Variants in SPIRE2 observed in about 807,000 individuals in gnomAD.
SPIRE2 encodes the protein spire type actin nucleation factor 2, also known as protein spire homolog 2.
Under a neutral mutation model 80.7 loss-of-function variants are expected in SPIRE2, and 76 were observed. The ratio of observed to expected loss-of-function variants is 0.94; its 90% CI spans 0.78 to 1.14. SPIRE2 has a LOEUF of 1.14. Ranked by LOEUF, SPIRE2 falls within the 50% of genes most tolerant of loss-of-function variation. The pLI, the probability that SPIRE2 is intolerant of heterozygous loss-of-function variation, is 0.00. For synonymous variants in SPIRE2, 535 were observed against 432.6 expected (o/e 1.24, Z -2.94); for missense variants, 1,196 against 1,015.3 (o/e 1.18, Z -2.42).
chr16:89,835,794 GTCC>G (rs938060697), intron 1 of SPIRE2, among the ~76,000 whole-genome samples: 2 of 152,166 alleles, frequency 1.3e-5, no homozygotes, highest in African/African-American at 2.4e-5. Context: ...TGGCTTCTCT[GTCC>G]TCCTCATTCC....
At chr16:89,861,687 G>A (rs2041745787) in intron 10 of SPIRE2, among the ~76,000 whole-genome samples, 1 of 152,244 alleles carries the variant, frequency 6.6e-6, no homozygotes, top group South Asian at 2.1e-4. Flanking sequence ...TGAGGCTGCA[G>A]TTAGGATGGC....
Position 89,863,855 on chromosome 16 carries a change from G to C in SPIRE2, c.1772G>C (p.Cys591Ser), listed in dbSNP as rs772259964. ...LFSWPPSCLF[C>S]KRAVCTSCSI... Reference sequence around the variant, plus strand: ...TCGTGGCCGCCCAGCTGTCTCTTCTGCAAGAGGTGAGCCTTCCCTTTAGCT... The same window carrying C: ...TCGTGGCCGCCCAGCTGTCTCTTCTCCAAGAGGTGAGCCTTCCCTTTAGCT... Residue 591 changes from cysteine to serine, a missense_variant, in exon 12 of 15, where the codon TGC (cysteine) becomes TCC (serine). Physicochemically the swap from Cys to Ser is moderately radical, Grantham distance 112 (BLOSUM62 -1). Coordinates refer to ENST00000378247, the MANE Select transcript of SPIRE2 (RefSeq NM_032451.2). This position sits in a 1 kb window ranked among gnomAD's most constrained non-coding sequence, Gnocchi z 4.3. The C allele has an allele frequency of 2.5e-6, 4 of 1,613,414 alleles. No individual in the cohort carries two copies. Among genetic ancestry groups the C allele is most frequent in the South Asian group, 1.1e-5 (1 of 91,038 alleles).
intron 12 of SPIRE2, among the ~76,000 whole-genome samples, chr16:89,864,295 A>C (rs1597224383): frequency 6.6e-6 from 1 of 152,192 alleles, no homozygotes; most frequent in Non-Finnish European, 1.5e-5. Context: ...CAGCAGCTCG[A>C]GTCCGCCGTG....
intron 4 of SPIRE2, 58 bp from the exon 5 acceptor site, chr16:89,854,429 T>TG (rs1196980601): frequency 6.2e-5 from 100 of 1,610,332 alleles, no homozygotes; most frequent in Admixed American, 8.3e-5. Flanking sequence ...GGTCTCTGCC[T>TG]GGGGGGCCGT....
At chr16:89,856,917 T>C (rs1052137792) in intron 7 of SPIRE2, among the ~76,000 whole-genome samples, 7 of 151,444 alleles carry the variant, frequency 4.6e-5, no homozygotes, top group Non-Finnish European at 1.0e-4. Flanking sequence ...CAAAGAAAAA[T>C]TAGCCAGGTG....
chr16:89,870,737 G>T lies in SPIRE2; in HGVS notation c.*465G>T. The T allele has an allele frequency of 6.1e-6, 1 of 164,422 alleles. No individual in the cohort carries two copies. Among genetic ancestry groups the T allele is most frequent in the Non-Finnish European group, 1.4e-5 (1 of 73,744 alleles). 10.2% of individuals were successfully genotyped at this position (164,422 alleles called of 1,614,324 possible). A position where few individuals can be genotyped will look rare whatever the true frequency, so the allele number is the denominator to read the frequency against. ...CCTTTGTGGGGACTCAGGCAGCAGA[G>T]GCATCTGGGAAGTCTCTGAGTAGGC... On this transcript the variant is annotated 3_prime_UTR_variant, in exon 15 of 15. Transcript: ENST00000378247.
chr16:89,866,854 C>T (rs2041793944), intron 12 of SPIRE2, among the ~76,000 whole-genome samples: 1 of 151,748 alleles, frequency 6.6e-6, no homozygotes, highest in African/African-American at 2.4e-5. Flanking sequence ...CGTGATCTGC[C>T]CATCTCGGTC....
intron 1 of SPIRE2, among the ~76,000 whole-genome samples, chr16:89,830,150 G>T (rs966012666): frequency 6.6e-6 from 1 of 151,208 alleles, no homozygotes; most frequent in Non-Finnish European, 1.5e-5. Flanking sequence ...GAGCCCAGCC[G>T]CCTGCTTCCT....
intron 2 of SPIRE2, among the ~76,000 whole-genome samples, chr16:89,847,811 G>A (rs376860947): frequency 2.6e-5 from 4 of 152,206 alleles, no homozygotes; most frequent in African/African-American, 9.6e-5. Context: ...TTCAGAGAAA[G>A]TTGCCAGTGA....
rs1387060882 is a variant in SPIRE2, at chr16:89,863,986, C to T, written c.1778+125C>T. ...CTAGCATGTTCGATGGCTGATGAGT[C>T]CACAAGATATGGTTAGTACGAATGA... On this transcript the variant is annotated intron_variant, in intron 12 of 14. Coordinates refer to ENST00000378247, the MANE Select transcript of SPIRE2 (RefSeq NM_032451.2). The surrounding 1 kb of genome is among the most constrained non-coding windows in gnomAD (Gnocchi z 4.3). 2 of 672,244 alleles carry T rather than the reference C, an allele frequency of 3.0e-6. No individual in the cohort carries two copies. The highest frequency in any genetic ancestry group is 5.2e-5 in the East Asian group (2 of 38,574). 41.6% of individuals were successfully genotyped at this position (672,244 alleles called of 1,614,324 possible). A position where few individuals can be genotyped will look rare whatever the true frequency, so the allele number is the denominator to read the frequency against.
chr16:89,850,081 C>T, intron 2 of SPIRE2: 1 of 670,998 alleles, frequency 1.5e-6, no homozygotes, highest in Non-Finnish European at 2.7e-6. Context: ...CGTGATCCGC[C>T]CGCCTCGGCC....
chr16:89,853,141 G>C (rs1158983157), intron 3 of SPIRE2, among the ~76,000 whole-genome samples: 1 of 152,144 alleles, frequency 6.6e-6, no homozygotes, highest in Non-Finnish European at 1.5e-5. Flanking sequence ...GCTGTTTTCT[G>C]CTGCTCAGAT....
chr16:89,858,976 G>A (rs937780980), intron 8 of SPIRE2, among the ~76,000 whole-genome samples, 189 bp from the exon 9 acceptor site: 52 of 152,180 alleles, frequency 3.4e-4, no homozygotes, highest in Non-Finnish European at 1.5e-4. Flanking sequence ...GGAAGGCCTG[G>A]GGAAGGGCTT....
Position 89,828,711 on chromosome 16 carries a change from C to G in SPIRE2, c.161C>G (p.Ser54Trp). 2 of 1,268,698 alleles carry G rather than the reference C, an allele frequency of 1.6e-6. No individual in the cohort carries two copies. Among genetic ancestry groups the G allele is most frequent in the Middle Eastern group, 3.1e-4 (1 of 3,240 alleles). The allele number at this position is 1,268,698 out of a possible 1,614,324, so 78.6% of individuals were successfully genotyped here. A position where few individuals can be genotyped will look rare whatever the true frequency, so the allele number is the denominator to read the frequency against. ...CAGGGCTGCCGCGGGCTGCGGGGCTCGCCGGGCCGGCGCCTGCGGGATACC... is the reference window on the plus strand; with the variant it reads ...CAGGGCTGCCGCGGGCTGCGGGGCTGGCCGGGCCGGCGCCTGCGGGATACC... ...CFQGCRGLRGSPGRRLRDTGD... is the reference protein window; with the variant it reads ...CFQGCRGLRGWPGRRLRDTGD... The change falls in exon 1 of 15, where the codon TCG becomes TGG. Residue 54 changes from serine to tryptophan, a missense_variant. By Grantham distance (177) the Ser-to-Trp change is radical. Coordinates refer to ENST00000378247, the MANE Select transcript of SPIRE2 (RefSeq NM_032451.2). The surrounding 1 kb of genome is among the most constrained non-coding windows in gnomAD (Gnocchi z 5.9).
intron 1 of SPIRE2, among the ~76,000 whole-genome samples, chr16:89,841,740 C>T (rs2041507857): frequency 6.6e-6 from 1 of 152,040 alleles, no homozygotes; most frequent in African/African-American, 2.4e-5. Context: ...TTTTGTTACC[C>T]AGGCTGGAGT....
chr16:89,836,110 G>C (rs968424145), intron 1 of SPIRE2: 8 of 436,456 alleles, frequency 1.8e-5, no homozygotes, highest in African/African-American at 1.2e-4. Context: ...GGGAGGCGGA[G>C]GTTGTAGTGA....
rs2143826293 is a variant in SPIRE2 at position 89,863,722 on chromosome 16, G to C, written c.1711-72G>C. ...CATGATCTGGTTGGGAGCCCTGAGG[G>C]GGTAGCAGGGACAGGGCGGGACCCC... On this transcript the variant is annotated intron_variant, in intron 11 of 14. Transcript: ENST00000378247. The surrounding 1 kb of genome is among the most constrained non-coding windows in gnomAD (Gnocchi z 4.3). The C allele has an allele frequency of 6.2e-7, 1 of 1,604,160 alleles. No individual in the cohort carries two copies. The highest frequency in any genetic ancestry group is 2.2e-5 in the East Asian group (1 of 44,808).
chr16:89,839,348 T>C (rs1224860869), intron 1 of SPIRE2, among the ~76,000 whole-genome samples: 1 of 133,806 alleles, frequency 7.5e-6, no homozygotes, highest in Non-Finnish European at 1.5e-5. Context: ...CACTCCAGCC[T>C]GGGCGACAGA....
At chr16:89,836,960 A>T (rs916258521) in intron 1 of SPIRE2, among the ~76,000 whole-genome samples, 1 of 151,950 alleles carries the variant, frequency 6.6e-6, no homozygotes, top group Non-Finnish European at 1.5e-5. Flanking sequence ...GCGCCATTGC[A>T]CTCCAGCCTA....
Sources: gnomAD v4.1 joint callset for allele counts (sites outside exome capture counted in the v4.1 genomes callset) on GRCh38, gnomAD v4.1.1 for gene constraint, Gnocchi (gnomAD v3.1) non-coding constraint, MANE v1.5 for transcripts, NCBI Gene and HGNC (gene_info 2026-07-23, HGNC 2026-07-21) for gene names.